Variants in PDZRN4 observed in about 807,000 individuals in gnomAD.
PDZRN4 encodes the protein PDZ domain-containing RING finger protein 4.
PDZRN4 carries 70 observed loss-of-function variants against 99.0 expected under a neutral mutation model. That is an observed-to-expected ratio of 0.71 (90% CI 0.58 to 0.86). The LOEUF is 0.86. PDZRN4 is among the 40% of genes least tolerant of loss of function. The pLI is 0.00. For synonymous variants in PDZRN4, 551 were observed against 501.6 expected (o/e 1.10, Z -1.32); for missense variants, 1,474 against 1,331.2 (o/e 1.11, Z -1.67).
chr12:41,380,527 T>C (rs7297420), intron 3 of PDZRN4, among the ~76,000 whole-genome samples: 84,978 of 151,174 alleles, frequency 0.56, 23,772 homozygotes, highest in Middle Eastern at 0.71. Context: ...TTATAGTTAA[T>C]ATATGGCTTA....
At chr12:41,212,055 C>T (rs1162545060) in intron 3 of PDZRN4, among the ~76,000 whole-genome samples, 1 of 151,878 alleles carries the variant, frequency 6.6e-6, no homozygotes, top group Admixed American at 6.6e-5. Context: ...TTTATCTGGG[C>T]CCTGTACCTG....
intron 5 of PDZRN4, among the ~76,000 whole-genome samples, chr12:41,520,387 A>G (rs546882950): frequency 3.9e-5 from 6 of 152,176 alleles, no homozygotes; most frequent in African/African-American, 1.4e-4. Context: ...AGTACTCTGC[A>G]CATGGTAGAA....
intron 3 of PDZRN4, among the ~76,000 whole-genome samples, chr12:41,263,203 T>G (rs909914822): frequency 4.6e-5 from 7 of 152,014 alleles, no homozygotes; most frequent in Admixed American, 1.3e-4. Context: ...TTGGTGGTGG[T>G]GGGGGAATGT....
chr12:41,193,546 T>C (rs979121474), intron 2 of PDZRN4, among the ~76,000 whole-genome samples: 2 of 152,190 alleles, frequency 1.3e-5, no homozygotes, highest in African/African-American at 4.8e-5. Context: ...CCTTGCAGTT[T>C]AGATGTGATC....
intron 5 of PDZRN4, among the ~76,000 whole-genome samples, chr12:41,538,157 T>G (rs1272959498): frequency 1.3e-5 from 2 of 152,090 alleles, no homozygotes; most frequent in East Asian, 3.9e-4. Flanking sequence ...CTTAAGTAAC[T>G]ATATGGTCAC....
At position 41,550,225 on chromosome 12, in the gene PDZRN4, A is replaced by G. The variant is rs75736638; in HGVS notation, c.1204-2431A>G. Among the ~76,000 whole-genome samples the G allele has an allele frequency of 2.6e-5, 4 of 152,174 alleles. No homozygotes were observed. The East Asian group carries it at 7.7e-4, about 29-fold the overall frequency. Reference sequence around the variant, plus strand: ...TGTCCCCCGCTGAAAATGTCTTCTCACAATACTGAGAGTTGCTTCCGTGCT... The same window carrying G: ...TGTCCCCCGCTGAAAATGTCTTCTCGCAATACTGAGAGTTGCTTCCGTGCT... On this transcript the variant is annotated intron_variant, in intron 5 of 9. Transcript: ENST00000402685.
At position 41,394,168 on chromosome 12, in the gene PDZRN4, CT is replaced by C. The variant is rs1952229123; in HGVS notation, c.844-112287del. Among the ~76,000 whole-genome samples, 3 of 152,230 alleles carry C rather than the reference CT, an allele frequency of 2.0e-5. No homozygotes were observed. The South Asian group carries it at 6.2e-4, about 32-fold the overall frequency. On this transcript the variant is annotated intron_variant, in intron 3 of 9. Transcript: ENST00000402685. The stretch of plus-strand genomic sequence containing the variant: ...ACATGGTGGAAATATGGTGAGAGGG[CT>C]CTCTGGGGTTCCTATTATAAGGGCC...
chr12:41,488,805 T>C (rs539913140), intron 3 of PDZRN4, among the ~76,000 whole-genome samples: 1 of 152,228 alleles, frequency 6.6e-6, no homozygotes, highest in Non-Finnish European at 1.5e-5. Context: ...GGTGAAGCTC[T>C]ATCCTTCAAC....
chr12:41,213,479 A>G (rs942747105), intron 3 of PDZRN4, among the ~76,000 whole-genome samples: 5 of 152,072 alleles, frequency 3.3e-5, no homozygotes, highest in African/African-American at 9.7e-5. Flanking sequence ...AGCGCATGCA[A>G]TGCCCACACT....
intron 3 of PDZRN4, among the ~76,000 whole-genome samples, chr12:41,343,539 A>G: frequency 6.6e-6 from 1 of 151,970 alleles, no homozygotes; most frequent in Non-Finnish European, 1.5e-5. Context: ...AGTTTTTATC[A>G]TGGAAGAAGA....
At chr12:41,279,394 C>T (rs1428042922) in intron 3 of PDZRN4, among the ~76,000 whole-genome samples, 1 of 152,116 alleles carries the variant, frequency 6.6e-6, no homozygotes, top group African/African-American at 2.4e-5. Context: ...ACCTAAAAAG[C>T]TAAAACGTGT....
chr12:41,300,750 A>G (rs1452246469), intron 3 of PDZRN4, among the ~76,000 whole-genome samples: 1 of 151,998 alleles, frequency 6.6e-6, no homozygotes, highest in Non-Finnish European at 1.5e-5. Flanking sequence ...ATCATTATGA[A>G]AACTTTCTGT....
intron 5 of PDZRN4, among the ~76,000 whole-genome samples, chr12:41,540,507 A>G (rs146581910): frequency 3.3e-5 from 5 of 152,264 alleles, no homozygotes; most frequent in South Asian, 2.1e-4. Flanking sequence ...TGTCATTTCT[A>G]TGTAACACAA....
chr12:41,244,007 C>T (rs1186378539), intron 3 of PDZRN4, among the ~76,000 whole-genome samples: 1 of 152,134 alleles, frequency 6.6e-6, no homozygotes, highest in African/African-American at 2.4e-5. Context: ...GCTGGAGGAG[C>T]CTTTATGCCT....
At chr12:41,457,896 A>T (rs1009554250) in intron 3 of PDZRN4, among the ~76,000 whole-genome samples, 1 of 152,138 alleles carries the variant, frequency 6.6e-6, no homozygotes, top group Non-Finnish European at 1.5e-5. Flanking sequence ...GAGGTGTGTA[A>T]GACAGGATCT....
intron 3 of PDZRN4, among the ~76,000 whole-genome samples, chr12:41,205,709 A>G (rs536513312): frequency 1.6e-4 from 24 of 152,004 alleles, no homozygotes; most frequent in African/African-American, 5.5e-4. Context: ...TCTCCTGGCA[A>G]TATCATAATT....
intron 3 of PDZRN4, among the ~76,000 whole-genome samples, chr12:41,203,744 G>C (rs151282714): frequency 6.6e-5 from 10 of 152,054 alleles, no homozygotes; most frequent in Non-Finnish European, 1.3e-4. Context: ...CTATTATTAA[G>C]AATTATATAA....
chr12:41,544,246 G>T (rs1051100437), intron 5 of PDZRN4, among the ~76,000 whole-genome samples: 1 of 152,168 alleles, frequency 6.6e-6, no homozygotes, highest in African/African-American at 2.4e-5. Context: ...AGATAATTTT[G>T]TTTTAATTTT....
chr12:41,309,507 A>C (rs966730486), intron 3 of PDZRN4, among the ~76,000 whole-genome samples: 7 of 152,124 alleles, frequency 4.6e-5, no homozygotes, highest in Admixed American at 2.0e-4. Flanking sequence ...ATCTCTCATT[A>C]GGCCCCACCT....
Sources: allele counts gnomAD v4.1 joint callset (sites outside exome capture counted in the v4.1 genomes callset), GRCh38; gene constraint gnomAD v4.1.1; transcripts MANE v1.5; gene names NCBI Gene and HGNC (gene_info 2026-07-23, HGNC 2026-07-21).